Variants in TEX14 observed in about 807,000 individuals in gnomAD.
The protein encoded by TEX14 is inactive serine/threonine-protein kinase TEX14.
Under a neutral mutation model 178.6 loss-of-function variants are expected in TEX14, and 168 were observed. The ratio of observed to expected loss-of-function variants is 0.94; its 90% CI spans 0.83 to 1.07. The LOEUF (loss-of-function observed/expected upper bound fraction) is 1.07. Ranked by LOEUF, TEX14 falls within the 50% of genes least tolerant of loss-of-function variation. The pLI is 0.00. For synonymous variants in TEX14, 626 were observed against 634.1 expected (o/e 0.99, Z 0.19); for missense variants, 1,730 against 1,753.6 (o/e 0.99, Z 0.24).
At chr17:58,604,913 G>A in intron 11 of TEX14, 65 bp downstream of exon 11, 1 of 1,562,862 alleles carries the variant, frequency 6.4e-7, no homozygotes, top group Non-Finnish European at 8.8e-7. Flanking sequence ...AGTAACTCCT[G>A]TGGGGGGAGA....
intron 3 of TEX14, among the ~76,000 whole-genome samples, chr17:58,624,341 C>CTTTTTTTTTTTT (rs34422419): frequency 7.8e-6 from 1 of 128,622 alleles, no homozygotes; most frequent in Non-Finnish European, 1.7e-5. Flanking sequence ...CTTTTCTTTT[C>CTTTTTTTTTTTT]TTTTTTTTTT....
At position 58,602,544 on chromosome 17, in the gene TEX14, G is replaced by A. The variant is rs55754691; in HGVS notation, c.1383C>T (p.Ala461=). The A allele has an allele frequency of 9.3e-6, 15 of 1,613,898 alleles. No homozygotes were observed. Among genetic ancestry groups the A allele is most frequent in the South Asian group, 2.2e-5 (2 of 91,060 alleles). Residue 461 remains alanine (A), a synonymous_variant, in exon 12 of 32, where the codon GCC becomes GCT. Coordinates refer to ENST00000349033, the MANE Select transcript of TEX14 (RefSeq NM_031272.5). The part of the protein sequence containing the change: ...KGLDGSVVKK[A]VVSGNYLEAD... Reference sequence around the variant, plus strand: ...CTTCTAAATAATTCCCCGAGACTACGGCTTTTTTAACAACTGAGCCATCTA... The same window carrying A: ...CTTCTAAATAATTCCCCGAGACTACAGCTTTTTTAACAACTGAGCCATCTA...
intron 1 of TEX14, among the ~76,000 whole-genome samples, chr17:58,660,166 A>G (rs2047078658): frequency 6.7e-6 from 1 of 150,286 alleles, no homozygotes; most frequent in Non-Finnish European, 1.5e-5. Flanking sequence ...GCACTTTGGG[A>G]GGCCGAGGCG....
At chr17:58,688,049 T>C (rs2047630228) in intron 1 of TEX14, among the ~76,000 whole-genome samples, 1 of 152,212 alleles carries the variant, frequency 6.6e-6, no homozygotes, top group African/African-American at 2.4e-5. Flanking sequence ...AGGATTACTG[T>C]GGATCAAGTC....
intron 2 of TEX14, chr17:58,631,610 T>G (rs896136341): frequency 2.7e-5 from 4 of 147,310 alleles, no homozygotes; most frequent in Non-Finnish European, 4.6e-5. Context: ...AACCAACTAC[T>G]ATTAACATCT....
At chr17:58,660,880 A>T (rs200691112) in intron 1 of TEX14, 8 of 801,000 alleles carry the variant, frequency 1.0e-5, no homozygotes, top group Non-Finnish European at 2.3e-6. Context: ...GTTTCATTGG[A>T]GGCCTCTTCT....
chr17:58,659,158 G>C lies in TEX14; in HGVS notation c.-1-7156C>G, dbSNP rs909955829. ...ACTAGTTCAATCACAGGACAGAAAA[G>C]CGCAAAAGCAGTCCCCCACTACCAC... On this transcript the variant is annotated intron_variant, in intron 1 of 31. Transcript: ENST00000349033. 2.0e-5 allele frequency among the ~76,000 whole-genome samples: 3 copies of C among 151,028 alleles called. No homozygotes were observed. In the South Asian group the frequency reaches 6.3e-4, roughly 32 times the overall value.
At chr17:58,661,385 T>A in intron 1 of TEX14, 1 of 902,586 alleles carries the variant, frequency 1.1e-6, no homozygotes, top group Non-Finnish European at 1.9e-6. Flanking sequence ...GGAAGTAATC[T>A]CCTCCAAATC....
chr17:58,601,495 C>G (rs1351672379), intron 13 of TEX14, among the ~76,000 whole-genome samples: 1 of 150,168 alleles, frequency 6.7e-6, no homozygotes, highest in Non-Finnish European at 1.5e-5. Context: ...GCACTCCAGC[C>G]TGGGCAACAG....
At position 58,565,586 on chromosome 17, in the gene TEX14, C is replaced by T. The variant is rs145472052; in HGVS notation, c.3964+161G>A. ...ATTTTACAGATTAAGACGACTGAGG[C>T]TCAGAAACAGTAAAACAGCTTGCCA... is the stretch of plus-strand genomic sequence containing the variant. On this transcript the variant is annotated intron_variant, in intron 27 of 31. Transcript: ENST00000349033. 4.9e-3 allele frequency among the ~76,000 whole-genome samples: 739 copies of T among 152,264 alleles called. 2 individuals carry two copies. The highest frequency in any genetic ancestry group is 6.6e-3 in the Non-Finnish European group (446 of 68,016).
At chr17:58,656,925 C>CAA (rs60626361) in intron 1 of TEX14, among the ~76,000 whole-genome samples, 1,848 of 78,018 alleles carry the variant, frequency 0.024, 31 homozygotes, top group African/African-American at 0.034. Context: ...TCCCATCTCA[C>CAA]AAAAAAAAAA....
At chr17:58,589,200 T>C (rs956296922) in intron 15 of TEX14, among the ~76,000 whole-genome samples, 4 of 151,072 alleles carry the variant, frequency 2.6e-5, no homozygotes, top group Admixed American at 2.6e-4. Context: ...GAGGCGGAGG[T>C]TGCAGTGAGC....
intron 1 of TEX14, among the ~76,000 whole-genome samples, chr17:58,655,933 T>A (rs1184021815): frequency 6.6e-6 from 1 of 152,224 alleles, no homozygotes; most frequent in African/African-American, 2.4e-5. Context: ...AGAGGCCCTG[T>A]AAACTCTTTG....
At chr17:58,616,086 T>G in intron 7 of TEX14, 89 bp downstream of exon 7, 1 of 1,413,656 alleles carries the variant, frequency 7.1e-7, no homozygotes, top group Non-Finnish European at 9.6e-7. Context: ...TGTGTTTGAG[T>G]AGAAACTCCC....
intron 26 of TEX14, among the ~76,000 whole-genome samples, chr17:58,568,602 T>C (rs2044453775): frequency 6.6e-6 from 1 of 152,208 alleles, no homozygotes; most frequent in Non-Finnish European, 1.5e-5. Context: ...CCAGTTTCCA[T>C]AACAATGTAA....
At chr17:58,647,333 C>T (rs909239567) in intron 2 of TEX14, among the ~76,000 whole-genome samples, 1 of 151,730 alleles carries the variant, frequency 6.6e-6, no homozygotes, top group Non-Finnish European at 1.5e-5. Context: ...AGATCGAGAC[C>T]ATGCTGGCTA....
chr17:58,660,652 G>T, intron 1 of TEX14: 2 of 786,870 alleles, frequency 2.5e-6, no homozygotes, highest in Non-Finnish European at 4.7e-6. Flanking sequence ...GAGCTCTTTG[G>T]AGTGTTTGTT....
chr17:58,577,346 A>C, intron 21 of TEX14, 29 bp downstream of exon 21: 1 of 999,538 alleles, frequency 1.0e-6, no homozygotes, highest in Non-Finnish European at 1.5e-6. Context: ...TATGAGTTTG[A>C]AACTGCATAA....
chr17:58,681,160 C>T (rs2047494331), intron 1 of TEX14, among the ~76,000 whole-genome samples: 1 of 151,990 alleles, frequency 6.6e-6, no homozygotes, highest in African/African-American at 2.4e-5. Flanking sequence ...CCTGGGTACT[C>T]GGGAGGCTGA....
Sources: gnomAD v4.1 joint callset for allele counts (sites outside exome capture counted in the v4.1 genomes callset) on GRCh38, gnomAD v4.1.1 for gene constraint, MANE v1.5 for transcripts, NCBI Gene and HGNC (gene_info 2026-07-23, HGNC 2026-07-21) for gene names.